The following ASXL2 variants were observed in gnomAD, a reference collection of about 807,000 sequenced individuals.
ASXL2 encodes the protein ASXL transcriptional regulator 2, also known as putative Polycomb group protein ASXL2.
In ASXL2, 23 loss-of-function variants were observed where a neutral mutation model predicts 122.0. That is an observed-to-expected ratio of 0.19 (90% CI 0.14 to 0.27). The LOEUF (loss-of-function observed/expected upper bound fraction) is 0.27, where lower values mean the gene tolerates loss of function less well. Among genes scored for constraint, ASXL2 ranks in the 10% least tolerant of loss-of-function variants. The pLI is 1.00. For missense variants in ASXL2, 1,518 were observed against 1,713.8 expected (o/e 0.89, Z 2.02); for synonymous variants, 650 against 637.0 (o/e 1.02, Z -0.31).
rs538175405 is a variant in ASXL2 at position 25,859,650 on chromosome 2, A to C, written c.58-14087T>G. On this transcript the variant is annotated intron_variant, in intron 1 of 12. Transcript: ENST00000435504. ...GACAAAACGCAGAGAGGAGCTAAAG[A>C]CTCTGCAAAGTAAACAGACTTTTCT... Among the ~76,000 whole-genome samples the C allele has an allele frequency of 1.5e-4, 23 of 152,322 alleles. No individual in the cohort carries two copies. In the South Asian group the frequency reaches 4.3e-3, roughly 29 times the overall value.
At chr2:25,803,896 A>C (rs570556009) in intron 4 of ASXL2, among the ~76,000 whole-genome samples, 7 of 152,300 alleles carry the variant, frequency 4.6e-5, no homozygotes, top group East Asian at 1.9e-4. Context: ...CTGCTGGAGA[A>C]TTGCTTGGTA....
chr2:25,847,292 T>C (rs532181573), intron 1 of ASXL2, among the ~76,000 whole-genome samples: 16 of 152,340 alleles, frequency 1.1e-4, no homozygotes, highest in African/African-American at 3.8e-4. Context: ...ATTAAACTGT[T>C]CCCTTCGCAG....
intron 1 of ASXL2, among the ~76,000 whole-genome samples, chr2:25,869,782 C>A (rs776140158): frequency 2.0e-5 from 3 of 151,358 alleles, no homozygotes; most frequent in Non-Finnish European, 4.4e-5. Flanking sequence ...CGCCACTGCA[C>A]TCCAGCCTGG....
chr2:25,811,115 T>C (rs72801828), intron 3 of ASXL2, among the ~76,000 whole-genome samples: 6,342 of 138,416 alleles, frequency 0.046, 209 homozygotes, highest in African/African-American at 0.086. Flanking sequence ...CAGCCATGCA[T>C]TGTGGCACAC....
intron 3 of ASXL2, among the ~76,000 whole-genome samples, chr2:25,834,156 C>A (rs1377798557): frequency 6.6e-6 from 1 of 152,102 alleles, no homozygotes; most frequent in Admixed American, 6.5e-5. Context: ...AAGTCAAGAC[C>A]AGCCTGGCCA....
intron 3 of ASXL2, among the ~76,000 whole-genome samples, chr2:25,832,817 C>T (rs916066797): frequency 5.3e-5 from 8 of 152,110 alleles, no homozygotes; most frequent in African/African-American, 9.7e-5. Context: ...CAGTTAGAAA[C>T]GGTCGCACGT....
Position 25,845,531 on chromosome 2 carries a change from A to G in ASXL2, c.90T>C (p.Ser30=). 6.7e-7 allele frequency: 1 copy of G among 1,495,044 alleles called. No individual in the cohort carries two copies. Among genetic ancestry groups the G allele is most frequent in the South Asian group, 1.4e-5 (1 of 70,566 alleles). 92.6% of individuals were successfully genotyped at this position (1,495,044 alleles called of 1,614,324 possible). A position where few individuals can be genotyped will look rare whatever the true frequency, so the allele number is the denominator to read the frequency against. ...VLEKYPNTPM[S]HKEILQVIQR... is the part of the protein sequence containing the mutation. ...GGATAACTTGAAGAATTTCTTTATG[A>G]CTCATGGGTGTATTGGGGTATTTTT... The change falls in exon 2 of 13, where the codon AGT becomes AGC. Residue 30 remains serine, a synonymous_variant. Coordinates refer to ENST00000435504, the MANE Select transcript of ASXL2 (RefSeq NM_018263.6).
At chr2:25,786,869 A>G (rs1235435211) in intron 5 of ASXL2, among the ~76,000 whole-genome samples, 1 of 152,008 alleles carries the variant, frequency 6.6e-6, no homozygotes, top group Non-Finnish European at 1.5e-5. Flanking sequence ...ACAAACAAAC[A>G]AAAATTATAA....
At chr2:25,751,646 A>T (rs1019074423) in intron 11 of ASXL2, among the ~76,000 whole-genome samples, 3 of 152,074 alleles carry the variant, frequency 2.0e-5, no homozygotes, top group Non-Finnish European at 4.4e-5. Flanking sequence ...AAAAAAAAAA[A>T]AGAAAAAGAG....
Position 25,757,710 on chromosome 2 carries a change from C to A in ASXL2, c.940-1596G>T, listed in dbSNP as rs559529302. Among the ~76,000 whole-genome samples, 19 of 137,078 alleles carry A rather than the reference C, an allele frequency of 1.4e-4. No homozygotes were observed. The East Asian group carries it at 2.4e-3, about 17-fold the overall frequency. The allele number at this position is 137,078 out of a possible 152,430, so 89.9% of individuals were successfully genotyped here. ...AAAAAAAAAAAAAAAAAGAATACCC[C>A]CCAGGATTGCACTCTATGGGAAAAT... On this transcript the variant is annotated intron_variant, in intron 9 of 12. Coordinates refer to ENST00000435504, the MANE Select transcript of ASXL2 (RefSeq NM_018263.6).
In ASXL2 at chr2:25,767,570, T is replaced by A; in HGVS notation, c.775+13A>T. 10 of 1,607,570 alleles carry A rather than the reference T, an allele frequency of 6.2e-6. No individual in the cohort carries two copies. The highest frequency in any genetic ancestry group is 8.5e-6 in the Non-Finnish European group (10 of 1,177,008). On this transcript the variant is annotated intron_variant, in intron 8 of 12. Coordinates refer to ENST00000435504, the MANE Select transcript of ASXL2 (RefSeq NM_018263.6). ...ATGGCAATGAAAACTGAAGTCTTTGTAAGCAAACTTACTGGTATGGAGTCT... is the reference window on the plus strand; with the variant it reads ...ATGGCAATGAAAACTGAAGTCTTTGAAAGCAAACTTACTGGTATGGAGTCT...
intron 4 of ASXL2, 113 bp from the exon 5 acceptor site, chr2:25,799,648 G>C (rs753141664): frequency 1.5e-4 from 185 of 1,272,386 alleles, no homozygotes; most frequent in Non-Finnish European, 1.9e-4. Flanking sequence ...GTTACTATAG[G>C]ATTCAGTAGC....
At chr2:25,850,505 G>C (rs370998658) in intron 1 of ASXL2, among the ~76,000 whole-genome samples, 1 of 152,252 alleles carries the variant, frequency 6.6e-6, no homozygotes, top group Admixed American at 6.5e-5. Context: ...CTAGAGGCTT[G>C]CTCAGATTCA....
At chr2:25,840,742 A>G (rs34831388) in intron 2 of ASXL2, among the ~76,000 whole-genome samples, 15,245 of 152,250 alleles carry the variant, frequency 0.1, 1,004 homozygotes, top group African/African-American at 0.19. Context: ...GTATGCATAT[A>G]CCTTATTTTG....
At chr2:25,826,827 C>T (rs890787242) in intron 3 of ASXL2, among the ~76,000 whole-genome samples, 2 of 137,936 alleles carry the variant, frequency 1.4e-5, no homozygotes, top group East Asian at 2.1e-4. Context: ...CACTTCAAGT[C>T]GATTTTATTT....
At chr2:25,851,298 T>G (rs550308993) in intron 1 of ASXL2, among the ~76,000 whole-genome samples, 2 of 152,368 alleles carry the variant, frequency 1.3e-5, no homozygotes, top group South Asian at 2.1e-4. Context: ...AGTATCATTT[T>G]ATAAAGCAGC....
chr2:25,807,927 G>A (rs1280521745), intron 3 of ASXL2, among the ~76,000 whole-genome samples: 2 of 151,116 alleles, frequency 1.3e-5, no homozygotes, highest in African/African-American at 4.9e-5. Context: ...GGTTGAGAGG[G>A]ACTGAATCCC....
intron 1 of ASXL2, among the ~76,000 whole-genome samples, chr2:25,877,146 G>T (rs2090016333): frequency 6.6e-6 from 1 of 151,990 alleles, no homozygotes; most frequent in South Asian, 2.1e-4. Context: ...TCACTAAGAA[G>T]GGCTACGTTG....
intron 11 of ASXL2, among the ~76,000 whole-genome samples, chr2:25,751,821 G>A (rs531162160): frequency 2.1e-4 from 32 of 151,118 alleles, no homozygotes; most frequent in African/African-American, 7.8e-4. Flanking sequence ...TCACTTCGTC[G>A]CCCAGGCTGG....
Sources: gnomAD v4.1 joint callset for allele counts (sites outside exome capture counted in the v4.1 genomes callset) on GRCh38, gnomAD v4.1.1 for gene constraint, MANE v1.5 for transcripts, NCBI Gene and HGNC (gene_info 2026-07-23, HGNC 2026-07-21) for gene names.